Variants in DOHH observed in about 807,000 individuals in gnomAD.
DOHH encodes HEAT-like (PBS lyase) repeat containing 1.
In DOHH, 16 loss-of-function variants were observed where a neutral mutation model predicts 19.9. The ratio of observed to expected loss-of-function variants is 0.80; its 90% CI spans 0.54 to 1.22. DOHH has a LOEUF of 1.22. Among genes scored for constraint, DOHH ranks in the 50% most tolerant of loss-of-function variants. The pLI, the probability that DOHH is intolerant of heterozygous loss-of-function variation, is 0.00. For synonymous variants in DOHH, 233 were observed against 217.0 expected, an observed-to-expected ratio of 1.07 and a Z score of -0.65; for missense variants, 460 against 460.6, an observed-to-expected ratio of 1.00 and a Z score of 0.01.
chr19:3,491,391 C>A lies in DOHH; in HGVS notation c.*101G>T. On this transcript the variant is annotated 3_prime_UTR_variant, in exon 5 of 5. Coordinates refer to ENST00000427575, the MANE Select transcript of DOHH (RefSeq NM_001145165.2). The surrounding 1 kb of genome is among the most constrained non-coding windows in gnomAD (Gnocchi z 5.6). ...AACCATGCGCCCAGCAAGACACAAGCGATGACACCGATTTACACACACCCG... is the reference window on the plus strand; with the variant it reads ...AACCATGCGCCCAGCAAGACACAAGAGATGACACCGATTTACACACACCCG... 2.4e-6 allele frequency: 3 copies of A among 1,262,872 alleles called. No individual in the cohort carries two copies. Among genetic ancestry groups the A allele is most frequent in the Non-Finnish European group, 3.2e-6 (3 of 926,402 alleles). 78.2% of individuals were successfully genotyped at this position (1,262,872 alleles called of 1,614,324 possible). A position where few individuals can be genotyped will look rare whatever the true frequency, so the allele number is the denominator to read the frequency against.
rs370097608 is a variant in DOHH, at chr19:3,496,587, G to A, written c.228C>T (p.Asp76=). ...GCTCCTGACGGGTGTCTTGCAGCAC[G>A]TCCACCAGCATGGGGATGGCGCGGG... ...QDARAIPMLV[D]VLQDTRQEPM... The change falls in exon 2 of 5, where the codon GAC becomes GAT. Residue 76 remains aspartate (D), a synonymous_variant. Transcript: ENST00000427575. This position sits in a 1 kb window ranked among gnomAD's most constrained non-coding sequence, Gnocchi z 4.8. The A allele has an allele frequency of 1.6e-5, 26 of 1,613,734 alleles. No individual in the cohort carries two copies. Among genetic ancestry groups the A allele is most frequent in the African/African-American group, 1.6e-4 (12 of 74,946 alleles).
chr19:3,496,797 C>T lies in DOHH; in HGVS notation c.18G>A (p.Glu6=). ...CCAGCGTCTGCCCGATGGCATCCAC[C>T]TCCTGCTCCGTCACCATCGTGCTGT... is the stretch of plus-strand genomic sequence containing the variant. MVTEQ[E]VDAIGQTLVD... Residue 6 remains glutamate (E), a synonymous_variant, in exon 2 of 5, where the codon GAG becomes GAA. Transcript: ENST00000427575. This position sits in a 1 kb window ranked among gnomAD's most constrained non-coding sequence, Gnocchi z 4.8. 4 of 1,592,404 alleles carry T rather than the reference C, an allele frequency of 2.5e-6. No homozygotes were observed. In the South Asian group the frequency reaches 3.3e-5, roughly 13 times the overall value.
chr19:3,496,392 C>A lies in DOHH; in HGVS notation c.274+149G>T. 4.9e-6 allele frequency: 6 copies of A among 1,225,108 alleles called. No individual in the cohort carries two copies. Among genetic ancestry groups the A allele is most frequent in the Admixed American group, 2.3e-5 (1 of 43,996 alleles). The allele number at this position is 1,225,108 out of a possible 1,614,324, so 75.9% of individuals were successfully genotyped here. On this transcript the variant is annotated intron_variant, in intron 2 of 4. Transcript: ENST00000427575. The surrounding 1 kb of genome is among the most constrained non-coding windows in gnomAD (Gnocchi z 4.8). ...CTGGCTTTATTGAGTCGCTGTCTGG[C>A]TGCAGAGCTGCAGGTATTTACTATC...
At position 3,491,735 on chromosome 19, in the gene DOHH, C is replaced by A. The variant is rs1193488692; in HGVS notation, c.666G>T (p.Val222=). ...GGGCCAGGGCGGCCGCCAGCTGGGGCACCGCCGCCTCGTGCTGCAGCTGTC... is the reference window on the plus strand; with the variant it reads ...GGGCCAGGGCGGCCGCCAGCTGGGGAACCGCCGCCTCGTGCTGCAGCTGTC... ...VLGQLQHEAA[V]PQLAAALARC... Residue 222 remains valine (V), a synonymous_variant, in exon 5 of 5, where the codon GTG becomes GTT. Transcript: ENST00000427575. This position sits in a 1 kb window ranked among gnomAD's most constrained non-coding sequence, Gnocchi z 5.6. The A allele has an allele frequency of 1.3e-6, 2 of 1,508,536 alleles. No individual in the cohort carries two copies. Among genetic ancestry groups the A allele is most frequent in the East Asian group, 2.6e-5 (1 of 39,162 alleles). 93.4% of individuals were successfully genotyped at this position (1,508,536 alleles called of 1,614,324 possible).
At chr19:3,492,934 GAAC>G (rs1441632957) in intron 3 of DOHH, among the ~76,000 whole-genome samples, 1 of 152,250 alleles carries the variant, frequency 6.6e-6, no homozygotes, top group Non-Finnish European at 1.5e-5. Flanking sequence ...GCATGGAACA[GAAC>G]AGCAGAATTG....
chr19:3,497,603 T>C (rs1468340605), intron 1 of DOHH, among the ~76,000 whole-genome samples: 1 of 152,178 alleles, frequency 6.6e-6, no homozygotes. Flanking sequence ...CACTGTTTAC[T>C]GTTGTTGAAG....
Position 3,498,625 on chromosome 19 carries a change from G to A in DOHH, c.-72-1739C>T, listed in dbSNP as rs572419752. On this transcript the variant is annotated intron_variant, in intron 1 of 4. Coordinates refer to ENST00000427575, the MANE Select transcript of DOHH (RefSeq NM_001145165.2). ...TCTCCATGTTGGTCAGGCTGGTCTC[G>A]AACTCCCAACCTCAGGTGATCCACC... Among the ~76,000 whole-genome samples the A allele has an allele frequency of 1.0e-3, 157 of 152,026 alleles. 1 individual carries two copies. Among genetic ancestry groups the A allele is most frequent in the African/African-American group, 3.7e-3 (152 of 41,450 alleles).
intron 4 of DOHH, 122 bp downstream of exon 4, chr19:3,492,140 G>T: frequency 1.0e-6 from 1 of 956,398 alleles, no homozygotes; most frequent in Non-Finnish European, 1.4e-6. Flanking sequence ...CATGGGAAAT[G>T]CTTGGGGCCA....
intron 3 of DOHH, 69 bp downstream of exon 3, chr19:3,493,959 T>TGGGGC: frequency 1.3e-6 from 2 of 1,486,438 alleles, no homozygotes; most frequent in Admixed American, 1.9e-5. Context: ...AGGTCAGGGC[T>TGGGGC]GGGGCAGGGC....
intron 1 of DOHH, among the ~76,000 whole-genome samples, chr19:3,499,510 C>T (rs2082933548): frequency 6.6e-6 from 1 of 152,180 alleles, no homozygotes; most frequent in Admixed American, 6.5e-5. Flanking sequence ...CGGTGGCTCA[C>T]GCCTGTAATC....
At chr19:3,499,220 C>G (rs1257736879) in intron 1 of DOHH, among the ~76,000 whole-genome samples, 2 of 152,236 alleles carry the variant, frequency 1.3e-5, no homozygotes, top group African/African-American at 4.8e-5. Flanking sequence ...GGGTCTCCAA[C>G]ATCACTTCCT....
chr19:3,492,133 G>T, intron 4 of DOHH, 129 bp downstream of exon 4: 1 of 918,030 alleles, frequency 1.1e-6, no homozygotes, highest in Non-Finnish European at 1.5e-6. Flanking sequence ...GAGGCCCCAT[G>T]GGAAATGCTT....
chr19:3,492,550 G>T (rs1280023839), intron 3 of DOHH, 51 bp from the exon 4 acceptor site: 1 of 1,309,926 alleles, frequency 7.6e-7, no homozygotes, highest in Non-Finnish European at 9.8e-7. Flanking sequence ...GGTCGCAGGG[G>T]CCCTTCCCCA....
Position 3,496,064 on chromosome 19 carries a change from T to G in DOHH, c.274+477A>C, listed in dbSNP as rs1233037691. 6.6e-6 allele frequency among the ~76,000 whole-genome samples: 1 copy of G among 152,082 alleles called. No individual in the cohort carries two copies. The highest frequency in any genetic ancestry group is 2.1e-4 in the South Asian group (1 of 4,832). On this transcript the variant is annotated intron_variant, in intron 2 of 4. Transcript: ENST00000427575. The surrounding 1 kb of genome is among the most constrained non-coding windows in gnomAD (Gnocchi z 4.8). ...TCTCACTCTGTTGCCCAGGCTGGAG[T>G]GCGGTGGCACGATCATGGCTCACTG...
Position 3,491,890 on chromosome 19 carries a change from G to T in DOHH, c.590-79C>A. The T allele has an allele frequency of 7.5e-7, 1 of 1,327,396 alleles. No homozygotes were observed. The allele number at this position is 1,327,396 out of a possible 1,614,324, so 82.2% of individuals were successfully genotyped here. ...TGTCTTTTCGAAGACATGGGGTCTTGCTATCTTGCCCAGGCAGGTCACAAA... is the reference window on the plus strand; with the variant it reads ...TGTCTTTTCGAAGACATGGGGTCTTTCTATCTTGCCCAGGCAGGTCACAAA... On this transcript the variant is annotated intron_variant, in intron 4 of 4. Coordinates refer to ENST00000427575, the MANE Select transcript of DOHH (RefSeq NM_001145165.2). This position sits in a 1 kb window ranked among gnomAD's most constrained non-coding sequence, Gnocchi z 5.6.
chr19:3,498,730 C>T (rs973272041), intron 1 of DOHH, among the ~76,000 whole-genome samples: 5 of 152,076 alleles, frequency 3.3e-5, no homozygotes, highest in Non-Finnish European at 7.4e-5. Context: ...CTTAATGTGA[C>T]CCGTTTAGGA....
At position 3,495,572 on chromosome 19, in the gene DOHH, G is replaced by A. The variant is rs565658206; in HGVS notation, c.274+969C>T. ...ATTAGGGATTGGGGATCTATGGCTTGTCGCTTGTTTTTATACGAGCAAAGA... is the reference window on the plus strand; with the variant it reads ...ATTAGGGATTGGGGATCTATGGCTTATCGCTTGTTTTTATACGAGCAAAGA... On this transcript the variant is annotated intron_variant, in intron 2 of 4. Coordinates refer to ENST00000427575, the MANE Select transcript of DOHH (RefSeq NM_001145165.2). 8.5e-5 allele frequency among the ~76,000 whole-genome samples: 13 copies of A among 152,342 alleles called. No individual in the cohort carries two copies. The South Asian group carries it at 2.7e-3, about 32-fold the overall frequency.
chr19:3,492,806 G>A (rs1336535276), intron 3 of DOHH, among the ~76,000 whole-genome samples: 5 of 152,190 alleles, frequency 3.3e-5, no homozygotes, highest in South Asian at 2.1e-4. Context: ...AGGACCCTGC[G>A]GGAGGGGTGA....
In DOHH at chr19:3,492,344, G is replaced by T; in HGVS notation, c.507C>A (p.Ser169=). ...CGCGGTATCGCTCGAAGAGCGGCCG[G>T]GACTCATCCAGCAGCGCCTCCCGCA... is the stretch of plus-strand genomic sequence containing the variant. ...GRLREALLDE[S]RPLFERYRAM... is the part of the protein sequence containing the mutation. Residue 169 remains serine (S), a synonymous_variant, in exon 4 of 5, where the codon TCC becomes TCA. Transcript: ENST00000427575. 6.5e-7 allele frequency: 1 copy of T among 1,544,826 alleles called. No homozygotes were observed. Among genetic ancestry groups the T allele is most frequent in the Admixed American group, 1.9e-5 (1 of 52,556 alleles).
Sources: gnomAD v4.1 joint callset for allele counts (sites outside exome capture counted in the v4.1 genomes callset) on GRCh38, gnomAD v4.1.1 for gene constraint, Gnocchi (gnomAD v3.1) non-coding constraint, MANE v1.5 for transcripts, NCBI Gene and HGNC (gene_info 2026-07-23, HGNC 2026-07-21) for gene names.